AFF2: variants seen among roughly 807,000 people sequenced by gnomAD.
AFF2 encodes ALF transcription elongation factor 2.
Under a neutral mutation model 76.9 loss-of-function variants are expected in AFF2, and 14 were observed. The observed-to-expected ratio is 0.18, with a 90% CI of 0.12 to 0.28. The LOEUF is 0.28. AFF2 is among the 10% of genes least tolerant of loss of function. AFF2 has a pLI of 1.00. For synonymous variants in AFF2, 398 were observed against 366.7 expected, an observed-to-expected ratio of 1.09 and a Z score of -0.98; for missense variants, 868 against 1,001.1, an observed-to-expected ratio of 0.87 and a Z score of 1.79.
At chrX:148,854,020 T>C (rs1238467272) in intron 7 of AFF2, among the ~76,000 whole-genome samples, 1 of 112,212 alleles carries the variant, frequency 8.9e-6, no homozygotes, top group Non-Finnish European at 1.9e-5. Flanking sequence ...ATCTTCATGC[T>C]TTTATGCAGC....
At chrX:148,632,622 T>A (rs1437183791) in intron 1 of AFF2, among the ~76,000 whole-genome samples, 1 of 112,153 alleles carries the variant, frequency 8.9e-6, no homozygotes, top group African/African-American at 3.2e-5. Flanking sequence ...GGCTTGTACA[T>A]GACACCTTCT....
chrX:148,982,083 A>C (rs1020463475), intron 19 of AFF2, among the ~76,000 whole-genome samples: 8 of 112,343 alleles, frequency 7.1e-5, no homozygotes, highest in African/African-American at 2.3e-4. Context: ...GAGTAAAGTA[A>C]GGGCAAGGGC....
intron 1 of AFF2, among the ~76,000 whole-genome samples, chrX:148,515,978 T>A (rs1557233765): frequency 8.9e-6 from 1 of 111,972 alleles, no homozygotes; most frequent in East Asian, 2.8e-4. Context: ...TTCTTCTTTT[T>A]TGGATAGGTC....
At chrX:148,648,727 G>A (rs1557255942) in intron 1 of AFF2, among the ~76,000 whole-genome samples, 1 of 110,721 alleles carries the variant, frequency 9.0e-6, no homozygotes, top group African/African-American at 3.3e-5. Flanking sequence ...ATGAAATAGC[G>A]ATTCCAAAAA....
rs150396957 is a variant in AFF2 at position 148,740,169 on chromosome X, T to A, written c.1042-69707T>A. Among the ~76,000 whole-genome samples the A allele has an allele frequency of 3.2e-4, 36 of 111,774 alleles. No individual in the cohort carries two copies. In the East Asian group the frequency reaches 9.8e-3, roughly 31 times the overall value. On this transcript the variant is annotated intron_variant, in intron 3 of 20. Coordinates refer to ENST00000370460, the MANE Select transcript of AFF2 (RefSeq NM_002025.4). ...TGATGAACTTCCTAGGTGTTCTTTG[T>A]GCTTCTTGTATATGCATGTCTAGAT...
intron 9 of AFF2, among the ~76,000 whole-genome samples, chrX:148,912,001 G>A (rs189414625): frequency 3.7e-4 from 41 of 111,984 alleles, no homozygotes; most frequent in Non-Finnish European, 9.4e-5. Flanking sequence ...CCCCATCCAT[G>A]GAAGACTGGG....
chrX:148,917,172 G>A (rs1206620482), intron 9 of AFF2, among the ~76,000 whole-genome samples: 2 of 111,887 alleles, frequency 1.8e-5, no homozygotes, highest in Admixed American at 1.9e-4. Flanking sequence ...TAGTTTTACT[G>A]TTATTAATAG....
chrX:148,985,285 C>CTT (rs151339705), intron 19 of AFF2, among the ~76,000 whole-genome samples: 3,971 of 15,130 alleles, frequency 0.26, 1,662 homozygotes, highest in East Asian at 0.44. Flanking sequence ...TGTGCCTGGC[C>CTT]TTTTTTTTTT....
rs183253387 is a variant in AFF2, at chrX:148,756,038, C to T, written c.1042-53838C>T. 2.1e-4 allele frequency among the ~76,000 whole-genome samples: 23 copies of T among 112,101 alleles called. No individual in the cohort carries two copies. The East Asian group carries it at 5.9e-3, about 29-fold the overall frequency. ...GTGGAGCAATGTAGGATAGGGGATT[C>T]ATATAAAATAGGCTTTAGAATATAA... On this transcript the variant is annotated intron_variant, in intron 3 of 20. Transcript: ENST00000370460.
At chrX:148,558,871 G>A (rs182554774) in intron 1 of AFF2, among the ~76,000 whole-genome samples, 7 of 111,426 alleles carry the variant, frequency 6.3e-5, no homozygotes, top group Non-Finnish European at 1.3e-4. Context: ...TACTGAATTC[G>A]CTTAGAGGAA....
chrX:148,821,359 A>T (rs2070326092), intron 4 of AFF2, among the ~76,000 whole-genome samples: 1 of 110,666 alleles, frequency 9.0e-6, no homozygotes, highest in South Asian at 3.9e-4. Context: ...GGTCTTTGTC[A>T]CTGAAAGTGT....
At chrX:148,912,451 G>A (rs1251488936) in intron 9 of AFF2, among the ~76,000 whole-genome samples, 2 of 111,369 alleles carry the variant, frequency 1.8e-5, no homozygotes, top group Non-Finnish European at 3.8e-5. Context: ...CAGACAACTG[G>A]GCCTATCTCA....
chrX:148,920,499 C>A (rs1389516506), intron 9 of AFF2, among the ~76,000 whole-genome samples: 1 of 111,377 alleles, frequency 9.0e-6, no homozygotes, highest in Non-Finnish European at 1.9e-5. Flanking sequence ...TTCCTTCAGC[C>A]AATTTGATGA....
At chrX:148,953,163 TGAC>T (rs1206018035) in intron 9 of AFF2, among the ~76,000 whole-genome samples, 4 of 111,761 alleles carry the variant, frequency 3.6e-5, no homozygotes, top group Non-Finnish European at 5.6e-5. Context: ...CAGAGCCCCT[TGAC>T]GAACCTGTGG....
chrX:148,691,223 T>C (rs2054648013), intron 3 of AFF2, among the ~76,000 whole-genome samples: 1 of 112,091 alleles, frequency 8.9e-6, no homozygotes, highest in Admixed American at 9.5e-5. Flanking sequence ...TGGTCCAACA[T>C]AGAATGCCTA....
intron 3 of AFF2, among the ~76,000 whole-genome samples, chrX:148,709,994 T>C (rs892885368): frequency 1.8e-5 from 2 of 111,599 alleles, no homozygotes; most frequent in African/African-American, 6.5e-5. Flanking sequence ...ATACTTAATC[T>C]AAAAATCATC....
intron 3 of AFF2, among the ~76,000 whole-genome samples, chrX:148,769,501 G>T (rs2069559981): frequency 9.0e-6 from 1 of 111,698 alleles, no homozygotes; most frequent in Non-Finnish European, 1.9e-5. Context: ...ACAATACACT[G>T]TTCTTTATGT....
intron 3 of AFF2, among the ~76,000 whole-genome samples, chrX:148,705,207 C>T (rs782302337): frequency 9.0e-6 from 1 of 111,275 alleles, no homozygotes; most frequent in Admixed American, 9.6e-5. Context: ...TCATGGTATC[C>T]CCACTCCCCA....
chrX:148,840,404 A>G (rs2070584470), intron 5 of AFF2, among the ~76,000 whole-genome samples: 2 of 112,268 alleles, frequency 1.8e-5, no homozygotes, highest in Admixed American at 1.9e-4. Context: ...CTACAATGGC[A>G]GAGTCCAGTT....
Sources: allele counts gnomAD v4.1 joint callset (sites outside exome capture counted in the v4.1 genomes callset), GRCh38; gene constraint gnomAD v4.1.1; transcripts MANE v1.5; gene names NCBI Gene and HGNC (gene_info 2026-07-23, HGNC 2026-07-21).